ZFHX3: variants seen among roughly 807,000 people sequenced by gnomAD.
ZFHX3 encodes the protein zinc finger homeobox 3, also known as zinc finger homeobox protein 3.
In ZFHX3, 42 loss-of-function variants were observed where a neutral mutation model predicts 279.1. The observed-to-expected ratio is 0.15, with a 90% CI of 0.12 to 0.19. The LOEUF (loss-of-function observed/expected upper bound fraction) is 0.19, where lower values mean the gene tolerates loss of function less well. ZFHX3 is among the 10% of genes least tolerant of loss of function. ZFHX3 has a pLI of 1.00. For synonymous variants in ZFHX3, 2,293 were observed against 1,957.8 expected (o/e 1.17, Z -4.52); for missense variants, 4,981 against 4,754.0 (o/e 1.05, Z -1.40).
Position 73,039,531 on chromosome 16 carries a change from G to A in ZFHX3, c.-50+8221C>T, listed in dbSNP as rs570878223. Among the ~76,000 whole-genome samples, 4 of 152,268 alleles carry A rather than the reference G, an allele frequency of 2.6e-5. No homozygotes were observed. The South Asian group carries it at 6.2e-4, about 24-fold the overall frequency. ...AGACATTTTTGATTGTCACATCAAG[G>A]GAAGAAGGTGCTACTGGCATCTAGT... On this transcript the variant is annotated intron_variant, in intron 1 of 9. Transcript: ENST00000268489.
intron 1 of ZFHX3, among the ~76,000 whole-genome samples, chr16:73,860,910 G>A (rs908690361): frequency 6.6e-6 from 1 of 152,070 alleles, no homozygotes; most frequent in South Asian, 2.1e-4. Context: ...TATGGGGAGG[G>A]GAGGTAATAT....
At chr16:73,536,807 C>G (rs1334177532) in intron 2 of ZFHX3, among the ~76,000 whole-genome samples, 2 of 152,056 alleles carry the variant, frequency 1.3e-5, no homozygotes, top group African/African-American at 4.8e-5. Context: ...GGCTCCGGGA[C>G]AGGAGGAACT....
chr16:73,191,027 A>G (rs557517726), intron 5 of ZFHX3, among the ~76,000 whole-genome samples: 11 of 152,140 alleles, frequency 7.2e-5, no homozygotes, highest in Admixed American at 2.0e-4. Flanking sequence ...GACCAAATCC[A>G]TGGCTGAAAA....
intron 2 of ZFHX3, among the ~76,000 whole-genome samples, chr16:73,590,009 A>G (rs2051977759): frequency 1.3e-5 from 2 of 152,144 alleles, no homozygotes; most frequent in Admixed American, 1.3e-4. Context: ...CAGTAATTGT[A>G]TTGGTGGTGG....
intron 3 of ZFHX3, among the ~76,000 whole-genome samples, chr16:73,415,676 C>G (rs887870232): frequency 6.6e-6 from 1 of 152,138 alleles, no homozygotes; most frequent in Non-Finnish European, 1.5e-5. Context: ...TTACTGAATT[C>G]CCCTGTCTGT....
At chr16:73,294,693 T>A (rs1192926850) in intron 4 of ZFHX3, among the ~76,000 whole-genome samples, 1 of 151,644 alleles carries the variant, frequency 6.6e-6, no homozygotes, top group Admixed American at 6.6e-5. Context: ...TGCCTGTAAT[T>A]CCAGCTACTC....
chr16:73,050,764 A>G (rs1463313843), upstream of ZFHX3, among the ~76,000 whole-genome samples: 3 of 152,170 alleles, frequency 2.0e-5, no homozygotes, highest in African/African-American at 7.2e-5. Flanking sequence ...CTGCTGACAA[A>G]TAAACCCACT....
In ZFHX3 at chr16:73,860,388, C is replaced by CTT. The variant is rs11284480; in HGVS notation, c.-1608+31261_-1608+31262dup. On this transcript the variant is annotated intron_variant, in intron 1 of 17. Transcript: ENST00000641206. ...GCTTTCCTTGTTTTTCATTCCCTTA[C>CTT]TTTTTTTTTTTTTTTGGCAATTTTT... Among the ~76,000 whole-genome samples, 74 of 139,898 alleles carry CTT rather than the reference C, an allele frequency of 5.3e-4. No individual in the cohort carries two copies. The East Asian group carries it at 9.6e-3, about 18-fold the overall frequency. The allele number at this position is 139,898 out of a possible 152,430, so 91.8% of individuals were successfully genotyped here. A position where few individuals can be genotyped will look rare whatever the true frequency, so the allele number is the denominator to read the frequency against.
intron 1 of ZFHX3, among the ~76,000 whole-genome samples, chr16:73,841,048 T>C (rs1567427306): frequency 6.6e-6 from 1 of 152,162 alleles, no homozygotes; most frequent in Admixed American, 6.5e-5. Flanking sequence ...GCTGGAGTCC[T>C]GGAAGTGGAG....
At chr16:73,235,276 C>T (rs2012907830) in intron 5 of ZFHX3, among the ~76,000 whole-genome samples, 1 of 152,102 alleles carries the variant, frequency 6.6e-6, no homozygotes, top group Admixed American at 6.5e-5. Flanking sequence ...TCCCTGTGTT[C>T]ACCAGGATGG....
intron 5 of ZFHX3, among the ~76,000 whole-genome samples, chr16:73,255,029 A>G (rs1689029874): frequency 6.6e-6 from 1 of 152,194 alleles, no homozygotes; most frequent in Admixed American, 6.5e-5. Flanking sequence ...ACGAACATCA[A>G]AATGGTAGCA....
At chr16:73,344,908 T>C (rs1431185123) in intron 3 of ZFHX3, among the ~76,000 whole-genome samples, 1 of 152,106 alleles carries the variant, frequency 6.6e-6, no homozygotes, top group East Asian at 1.9e-4. Flanking sequence ...TCTTTGAGAG[T>C]GGGCAACTGC....
At chr16:73,325,308 T>G (rs1052244707) in intron 3 of ZFHX3, among the ~76,000 whole-genome samples, 2 of 152,302 alleles carry the variant, frequency 1.3e-5, no homozygotes. Flanking sequence ...AGGTTCTGGG[T>G]GCTTAGAGGT....
chr16:73,421,572 A>G (rs753318128), intron 3 of ZFHX3, among the ~76,000 whole-genome samples: 153 of 152,240 alleles, frequency 1.0e-3, no homozygotes, highest in Non-Finnish European at 5.9e-5. Flanking sequence ...AATGTACAAA[A>G]TGTACAACAT....
chr16:73,857,968 C>T (rs143619138), intron 1 of ZFHX3, among the ~76,000 whole-genome samples: 22 of 151,966 alleles, frequency 1.4e-4, no homozygotes, highest in African/African-American at 4.3e-4. Flanking sequence ...GGTGGTGCCA[C>T]GCCTGTAGTA....
intron 2 of ZFHX3, among the ~76,000 whole-genome samples, chr16:73,668,491 T>G (rs146954435): frequency 6.6e-6 from 1 of 152,080 alleles, no homozygotes; most frequent in Admixed American, 6.5e-5. Context: ...GCGTGTGATA[T>G]TCCCCTCCCT....
At chr16:73,203,404 C>A (rs921046872) in intron 5 of ZFHX3, among the ~76,000 whole-genome samples, 2 of 152,224 alleles carry the variant, frequency 1.3e-5, no homozygotes, top group Non-Finnish European at 2.9e-5. Flanking sequence ...AAAATTCCCA[C>A]AATTTGACTT....
intron 2 of ZFHX3, among the ~76,000 whole-genome samples, chr16:73,572,422 C>G (rs1042354577): frequency 2.0e-5 from 3 of 152,202 alleles, no homozygotes; most frequent in African/African-American, 7.2e-5. Context: ...ACACACTTCT[C>G]AGACCCAAGC....
intron 1 of ZFHX3, among the ~76,000 whole-genome samples, chr16:73,785,271 A>C (rs375300479): frequency 5.9e-5 from 9 of 152,170 alleles, no homozygotes; most frequent in Non-Finnish European, 1.3e-4. Flanking sequence ...TTTTTCCAAG[A>C]GTTAGTAACA....
Sources: allele counts gnomAD v4.1 joint callset (sites outside exome capture counted in the v4.1 genomes callset), GRCh38; gene constraint gnomAD v4.1.1; transcripts MANE v1.5; gene names NCBI Gene and HGNC (gene_info 2026-07-23, HGNC 2026-07-21).